The following ZRANB1 variants were observed in gnomAD, a reference collection of about 807,000 sequenced individuals.
ZRANB1 encodes the protein ubiquitin thioesterase ZRANB1.
ZRANB1 carries 16 observed loss-of-function variants against 80.5 expected under a neutral mutation model. The observed-to-expected ratio is 0.20, with a 90% CI of 0.13 to 0.30. The LOEUF is 0.30. Among genes scored for constraint, ZRANB1 ranks in the 10% least tolerant of loss-of-function variants. ZRANB1 has a pLI of 1.00. For synonymous variants in ZRANB1, 291 were observed against 293.1 expected (o/e 0.99, Z 0.07); for missense variants, 576 against 862.6 (o/e 0.67, Z 4.16).
the ZRANB1 span, among the ~76,000 whole-genome samples, chr10:124,934,009 G>C: frequency 3.3e-4 from 51 of 152,258 alleles, no homozygotes; most frequent in South Asian, 8.3e-4. Context: ...ATTGCTAATT[G>C]TCTAGTGGTT....
chr10:124,926,604 C>G, the ZRANB1 span, among the ~76,000 whole-genome samples: 1 of 152,064 alleles, frequency 6.6e-6, no homozygotes, highest in African/African-American at 2.4e-5. Flanking sequence ...AAGGACCTGC[C>G]TAGGGCTTCT....
the ZRANB1 span, among the ~76,000 whole-genome samples, chr10:124,926,729 G>A: frequency 6.6e-6 from 1 of 152,120 alleles, no homozygotes; most frequent in African/African-American, 2.4e-5. Flanking sequence ...ATTACGTACT[G>A]TATATAATTT....
In ZRANB1 at chr10:124,952,364, A is replaced by T. The variant is rs532629519; in HGVS notation, c.814+9057A>T. Among the ~76,000 whole-genome samples, 20 of 152,256 alleles carry T rather than the reference A, an allele frequency of 1.3e-4. No individual in the cohort carries two copies. In the East Asian group the frequency reaches 3.9e-3, roughly 30 times the overall value. ...GAGAAGAGAAGCGGAGGCTTGAGAG[A>T]GTTGCAGGGCCCTGAGGCAAGGAAT... On this transcript the variant is annotated intron_variant, in intron 1 of 8. Coordinates refer to ENST00000359653, the MANE Select transcript of ZRANB1 (RefSeq NM_017580.3).
In ZRANB1 at chr10:124,984,976, A is replaced by T. The variant is rs753747217; in HGVS notation, c.2111A>T (p.Asp704Val). ...TSLSDGEEDE[D>V]DEDE ...CTGTCTGATGGAGAGGAAGATGAGGATGATGAAGATGAATGAAAAAAAAAA... is the reference window on the plus strand; with the variant it reads ...CTGTCTGATGGAGAGGAAGATGAGGTTGATGAAGATGAATGAAAAAAAAAA... Residue 704 changes from aspartate to valine, a missense_variant, in exon 9 of 9, where the codon GAT (aspartate) becomes GTT (valine). Transcript: ENST00000359653. The T allele has an allele frequency of 6.2e-7, 1 of 1,610,560 alleles. No homozygotes were observed. Among genetic ancestry groups the T allele is most frequent in the East Asian group, 2.2e-5 (1 of 44,838 alleles).
chr10:124,986,673 T>C lies in ZRANB1; in HGVS notation c.*1681T>C, dbSNP rs967068176. On this transcript the variant is annotated 3_prime_UTR_variant, in exon 9 of 9. Transcript: ENST00000359653. ...TAAAAATTGGCTGTTTGCTTTCATTTTGGCCAATAAGTAATCAAGTTTGTA... is the reference window on the plus strand; with the variant it reads ...TAAAAATTGGCTGTTTGCTTTCATTCTGGCCAATAAGTAATCAAGTTTGTA... 2 of 152,232 alleles carry C rather than the reference T, an allele frequency of 1.3e-5. No homozygotes were observed. Among genetic ancestry groups the C allele is most frequent in the Admixed American group, 1.3e-4 (2 of 15,280 alleles). 9.4% of individuals were successfully genotyped at this position (152,232 alleles called of 1,614,324 possible).
chr10:124,963,447 A>G (rs961670861), intron 1 of ZRANB1, among the ~76,000 whole-genome samples: 6 of 149,860 alleles, frequency 4.0e-5, no homozygotes, highest in Admixed American at 6.7e-5. Flanking sequence ...CTGTCTACCA[A>G]CTCTTCTACC....
chr10:124,979,810 C>T (rs918605647), intron 5 of ZRANB1, among the ~76,000 whole-genome samples: 3 of 152,074 alleles, frequency 2.0e-5, no homozygotes, highest in African/African-American at 7.2e-5. Context: ...GCAATTTTGT[C>T]GAAAATTAGT....
At chr10:124,943,797 C>T (rs1258713631) in intron 1 of ZRANB1, among the ~76,000 whole-genome samples, 1 of 152,108 alleles carries the variant, frequency 6.6e-6, no homozygotes, top group Non-Finnish European at 1.5e-5. Flanking sequence ...TTTATTGTAA[C>T]AAGATGTAAC....
chr10:124,962,176 C>A (rs541689603), intron 1 of ZRANB1, among the ~76,000 whole-genome samples: 1 of 152,106 alleles, frequency 6.6e-6, no homozygotes, highest in Non-Finnish European at 1.5e-5. Flanking sequence ...ATATGAAAAC[C>A]GGTTAAATGA....
At chr10:124,959,629 G>A (rs1221575093) in intron 1 of ZRANB1, among the ~76,000 whole-genome samples, 1 of 152,044 alleles carries the variant, frequency 6.6e-6, no homozygotes, top group African/African-American at 2.4e-5. Flanking sequence ...AGCACGCCTG[G>A]CTTATTCTTT....
At chr10:124,925,663 T>C in the ZRANB1 span, among the ~76,000 whole-genome samples, 1 of 152,196 alleles carries the variant, frequency 6.6e-6, no homozygotes, top group Non-Finnish European at 1.5e-5. Context: ...AATTTATGTT[T>C]TCTTCTAAGA....
chr10:124,961,897 A>T (rs879364105), intron 1 of ZRANB1, among the ~76,000 whole-genome samples: 2 of 152,232 alleles, frequency 1.3e-5, no homozygotes, highest in African/African-American at 4.8e-5. Context: ...GTTACTAGGA[A>T]TAGAAATAGT....
At chr10:124,949,935 T>G (rs1951622565) in intron 1 of ZRANB1, among the ~76,000 whole-genome samples, 1 of 152,146 alleles carries the variant, frequency 6.6e-6, no homozygotes, top group African/African-American at 2.4e-5. Context: ...CATGCAGTGG[T>G]GTTCCCTGTT....
intron 5 of ZRANB1, among the ~76,000 whole-genome samples, chr10:124,974,800 T>TAAATC (rs1951861576): frequency 6.6e-6 from 1 of 152,170 alleles, no homozygotes; most frequent in East Asian, 1.9e-4. Flanking sequence ...ACTGATTGAT[T>TAAATC]GATTGATCCA....
chr10:124,934,983 A>G, the ZRANB1 span, among the ~76,000 whole-genome samples: 895 of 152,362 alleles, frequency 5.9e-3, 8 homozygotes, highest in African/African-American at 0.018. Context: ...AGTATGTTTA[A>G]TTGTGGATTA....
chr10:124,956,479 A>AT (rs1039812377), intron 1 of ZRANB1, among the ~76,000 whole-genome samples: 6 of 151,804 alleles, frequency 4.0e-5, no homozygotes, highest in Non-Finnish European at 7.4e-5. Context: ...ATTTATTTTT[A>AT]TTTTTTTGAG....
intron 4 of ZRANB1, 66 bp downstream of exon 4, chr10:124,973,782 C>A: frequency 7.1e-7 from 1 of 1,417,440 alleles, no homozygotes; most frequent in South Asian, 1.2e-5. Context: ...TTTAGTAAGG[C>A]ATGGTGTAGT....
At chr10:124,920,385 C>T in the ZRANB1 span, among the ~76,000 whole-genome samples, 9 of 152,172 alleles carry the variant, frequency 5.9e-5, no homozygotes, top group Non-Finnish European at 1.2e-4. Flanking sequence ...CACATTTGAA[C>T]ACTCTTACCT....
upstream of ZRANB1, among the ~76,000 whole-genome samples, chr10:124,941,645 C>T (rs747399087): frequency 3.9e-5 from 6 of 151,966 alleles, no homozygotes; most frequent in Non-Finnish European, 7.4e-5. Context: ...CTACTGCCCC[C>T]GGCCATGAAT....
Sources: gnomAD v4.1 joint callset for allele counts (sites outside exome capture counted in the v4.1 genomes callset) on GRCh38, gnomAD v4.1.1 for gene constraint, MANE v1.5 for transcripts, NCBI Gene and HGNC (gene_info 2026-07-23, HGNC 2026-07-21) for gene names.